The following ECE1 variants were observed in gnomAD, a reference collection of about 807,000 sequenced individuals.
ECE1 encodes endothelin-converting enzyme 1.
In ECE1, 35 loss-of-function variants were observed where a neutral mutation model predicts 98.6. The ratio of observed to expected loss-of-function variants is 0.35; its 90% CI spans 0.27 to 0.47. ECE1 has a LOEUF of 0.47. Among genes scored for constraint, ECE1 ranks in the 20% least tolerant of loss-of-function variants. The pLI is 1.00. For missense variants in ECE1, 814 were observed against 1,025.3 expected, an observed-to-expected ratio of 0.79 and a Z score of 2.81; for synonymous variants, 394 against 407.1, an observed-to-expected ratio of 0.97 and a Z score of 0.39.
At position 21,342,735 on chromosome 1, in the gene ECE1, G is replaced by C. The variant is rs551444247; in HGVS notation, c.3+2641C>G. ...AAGTGAGTGCTGGATTTGTTTAAAA[G>C]CCGCGGAGCAGGAGATCCAGGGAAT... On this transcript the variant is annotated intron_variant, in intron 1 of 18. Transcript: ENST00000415912. 4.6e-5 allele frequency among the ~76,000 whole-genome samples: 7 copies of C among 152,192 alleles called. No homozygotes were observed. The South Asian group carries it at 8.3e-4, about 18-fold the overall frequency.
At chr1:21,305,783 G>A (rs912039132) in intron 1 of ECE1, among the ~76,000 whole-genome samples, 5 of 152,168 alleles carry the variant, frequency 3.3e-5, no homozygotes, top group African/African-American at 9.7e-5. Flanking sequence ...ATCTACGTTC[G>A]CCCCCATGCC....
At chr1:21,336,746 G>C (rs1639311908) in intron 1 of ECE1, among the ~76,000 whole-genome samples, 1 of 152,192 alleles carries the variant, frequency 6.6e-6, no homozygotes. Flanking sequence ...AGGAGGCTGA[G>C]GCAGGAGAAT....
intron 10 of ECE1, among the ~76,000 whole-genome samples, chr1:21,244,103 C>T (rs2098200080): frequency 6.6e-6 from 1 of 152,168 alleles, no homozygotes; most frequent in Non-Finnish European, 1.5e-5. Context: ...GCTCTGCCTC[C>T]TCTCTGGGGA....
Position 21,258,683 on chromosome 1 carries a change from G to A in ECE1, c.762+10C>T. Reference sequence around the variant, plus strand: ...GCCCCCTCGACCGCTGCAGGTTCAAGCTAGCTCACCTGGATCACGTTGCTG... The same window carrying A: ...GCCCCCTCGACCGCTGCAGGTTCAAACTAGCTCACCTGGATCACGTTGCTG... On this transcript the variant is annotated intron_variant, in intron 6 of 18. Coordinates refer to ENST00000374893, the MANE Select transcript of ECE1 (RefSeq NM_001397.3). The surrounding 1 kb of genome is among the most constrained non-coding windows in gnomAD (Gnocchi z 4.2). The A allele has an allele frequency of 6.3e-7, 1 of 1,592,644 alleles. No homozygotes were observed. The highest frequency in any genetic ancestry group is 8.6e-7 in the Non-Finnish European group (1 of 1,166,246).
chr1:21,245,416 C>T (rs1232509154), intron 9 of ECE1, among the ~76,000 whole-genome samples: 1 of 152,158 alleles, frequency 6.6e-6, no homozygotes, highest in Non-Finnish European at 1.5e-5. Context: ...CATGGAGACC[C>T]ACCCCAATGG....
rs1180264205 is a variant in ECE1 at position 21,218,552 on chromosome 1, G to A, written c.*1403C>T. On this transcript the variant is annotated 3_prime_UTR_variant, in exon 19 of 19. Transcript: ENST00000374893. This position sits in a 1 kb window ranked among gnomAD's most constrained non-coding sequence, Gnocchi z 4.0. ...CATGTGGTGGATGACGGTGCTCAGAGAGAGGATTTGGGTCCTGCGGGAGGT... is the reference window on the plus strand; with the variant it reads ...CATGTGGTGGATGACGGTGCTCAGAAAGAGGATTTGGGTCCTGCGGGAGGT... 1 of 152,362 alleles carries A rather than the reference G, an allele frequency of 6.6e-6. No homozygotes were observed. Among genetic ancestry groups the A allele is most frequent in the Admixed American group, 6.5e-5 (1 of 15,270 alleles). 9.4% of individuals were successfully genotyped at this position (152,362 alleles called of 1,614,324 possible). A position where few individuals can be genotyped will look rare whatever the true frequency, so the allele number is the denominator to read the frequency against.
At chr1:21,236,421 G>A (rs568134443) in intron 12 of ECE1, among the ~76,000 whole-genome samples, 13 of 152,352 alleles carry the variant, frequency 8.5e-5, no homozygotes, top group Admixed American at 3.3e-4. Flanking sequence ...AGGCCAAGGC[G>A]GGTCGATCAC....
intron 1 of ECE1, among the ~76,000 whole-genome samples, chr1:21,320,214 CT>C (rs1172500231): frequency 6.6e-6 from 1 of 152,306 alleles, no homozygotes; most frequent in African/African-American, 2.4e-5. Flanking sequence ...TGGTGAGACA[CT>C]AACCCCGCCC....
At chr1:21,336,662 T>A (rs1425823766) in intron 1 of ECE1, among the ~76,000 whole-genome samples, 1 of 152,102 alleles carries the variant, frequency 6.6e-6, no homozygotes, top group Non-Finnish European at 1.5e-5. Context: ...GCTAACACAG[T>A]GAAACCCTGT....
At chr1:21,238,326 T>A (rs2098191038) in intron 10 of ECE1, 82 bp from the exon 11 acceptor site, 6 of 1,084,850 alleles carry the variant, frequency 5.5e-6, no homozygotes, top group Non-Finnish European at 8.3e-6. Context: ...TAGCACCATG[T>A]GGGGCCCATG....
intron 3 of ECE1, among the ~76,000 whole-genome samples, chr1:21,276,322 G>A (rs112697357): frequency 2.6e-5 from 4 of 152,092 alleles, no homozygotes; most frequent in African/African-American, 7.2e-5. Context: ...CACTGCGCCC[G>A]GCCTCAATAC....
rs2098165597 is a variant in ECE1, at chr1:21,220,170, G to T, written c.2137-39C>A. ...ACAGGGAGAGGCCAGGGTCACTGTG[G>T]GGCCCTCGGGCTGCCAGACTGCCCC... On this transcript the variant is annotated intron_variant, in intron 18 of 18. Coordinates refer to ENST00000374893, the MANE Select transcript of ECE1 (RefSeq NM_001397.3). The surrounding 1 kb of genome is among the most constrained non-coding windows in gnomAD (Gnocchi z 5.0). 1.3e-6 allele frequency: 2 copies of T among 1,579,870 alleles called. No homozygotes were observed. Among genetic ancestry groups the T allele is most frequent in the Non-Finnish European group, 1.7e-6 (2 of 1,159,998 alleles).
chr1:21,318,162 G>C (rs1485414463), intron 1 of ECE1, among the ~76,000 whole-genome samples: 2 of 152,210 alleles, frequency 1.3e-5, no homozygotes, highest in East Asian at 3.9e-4. Flanking sequence ...AAACGGTGGG[G>C]GAGAGCAGTG....
chr1:21,228,054 C>A lies in ECE1; in HGVS notation c.1671-13G>T. 6.4e-7 allele frequency: 1 copy of A among 1,550,466 alleles called. No individual in the cohort carries two copies. Among genetic ancestry groups the A allele is most frequent in the Non-Finnish European group, 8.7e-7 (1 of 1,145,468 alleles). On this transcript the variant is annotated splice_polypyrimidine_tract_variant and intron_variant, in intron 14 of 18. Coordinates refer to ENST00000374893, the MANE Select transcript of ECE1 (RefSeq NM_001397.3). ...GGTCATGCTCCACCTGCAAGCAACA[C>A]ACATGCAGGAGGTCTCAGCACAGGG...
intron 2 of ECE1, among the ~76,000 whole-genome samples, chr1:21,280,930 T>A (rs1211788929): frequency 6.6e-6 from 1 of 151,394 alleles, no homozygotes; most frequent in Non-Finnish European, 1.5e-5. Flanking sequence ...GGCTCATGCC[T>A]GTAGTCCCAA....
rs1384211560 is a variant in ECE1, at chr1:21,232,368, G to A, written c.1670+1190C>T. On this transcript the variant is annotated intron_variant, in intron 14 of 18. Coordinates refer to ENST00000374893, the MANE Select transcript of ECE1 (RefSeq NM_001397.3). ...GGCTGGAGTACAGTGGCATGATCTT[G>A]ACTCACTGCAGCTTCGACCTCCTGG... is the stretch of plus-strand genomic sequence containing the variant. Among the ~76,000 whole-genome samples the A allele has an allele frequency of 2.6e-5, 4 of 151,288 alleles. No individual in the cohort carries two copies. In the East Asian group the frequency reaches 7.8e-4, roughly 29 times the overall value.
chr1:21,224,978 G>C (rs1039075186), intron 17 of ECE1, among the ~76,000 whole-genome samples: 1 of 152,142 alleles, frequency 6.6e-6, no homozygotes, highest in African/African-American at 2.4e-5. Context: ...GAACAGGCAG[G>C]CTCTTCAGGC....
At chr1:21,342,667 T>G (rs1004357060) in intron 1 of ECE1, among the ~76,000 whole-genome samples, 3 of 149,814 alleles carry the variant, frequency 2.0e-5, no homozygotes, top group African/African-American at 2.5e-5. Context: ...ACGCGCCGCA[T>G]TAGGAACCCA....
intron 1 of ECE1, among the ~76,000 whole-genome samples, chr1:21,341,161 G>T (rs1374157567): frequency 6.6e-6 from 1 of 152,084 alleles, no homozygotes; most frequent in Non-Finnish European, 1.5e-5. Flanking sequence ...AGCCCCCCGC[G>T]TGTCTCCCTG....
Sources: gnomAD v4.1 joint callset for allele counts (sites outside exome capture counted in the v4.1 genomes callset) on GRCh38, gnomAD v4.1.1 for gene constraint, Gnocchi (gnomAD v3.1) non-coding constraint, MANE v1.5 for transcripts, NCBI Gene and HGNC (gene_info 2026-07-23, HGNC 2026-07-21) for gene names.